The following EPHA3 variants were observed in gnomAD, a reference collection of about 807,000 sequenced individuals.
EPHA3 encodes ephrin type-A receptor 3.
Under a neutral mutation model 107.1 loss-of-function variants are expected in EPHA3, and 42 were observed. The observed-to-expected ratio is 0.39, with a 90% confidence interval of 0.31 to 0.51. The LOEUF is 0.51. EPHA3 is among the 20% of genes least tolerant of loss of function. The pLI, the probability that EPHA3 is intolerant of heterozygous loss-of-function variation, is 0.78. For synonymous variants in EPHA3, 461 were observed against 424.8 expected, an observed-to-expected ratio of 1.09 and a Z score of -1.05; for missense variants, 1,183 against 1,211.2, an observed-to-expected ratio of 0.98 and a Z score of 0.35.
chr3:89,377,671 A>G (rs976704414), intron 5 of EPHA3, among the ~76,000 whole-genome samples: 1 of 152,030 alleles, frequency 6.6e-6, no homozygotes, highest in African/African-American at 2.4e-5. Flanking sequence ...AGCTAGGTGC[A>G]TTTTGAAGGA....
intron 16 of EPHA3, among the ~76,000 whole-genome samples, chr3:89,476,332 AG>A (rs2107578697): frequency 6.7e-6 from 1 of 148,368 alleles, no homozygotes; most frequent in Admixed American, 6.7e-5. Context: ...GCTATGAAGA[AG>A]TGATGAGGAA....
At chr3:89,475,926 G>A (rs1710496176) in intron 16 of EPHA3, among the ~76,000 whole-genome samples, 1 of 141,712 alleles carries the variant, frequency 7.1e-6, no homozygotes, top group Non-Finnish European at 1.6e-5. Context: ...AATTATTTTG[G>A]ACATGCAGAG....
At chr3:89,268,030 A>G (rs759797104) in intron 3 of EPHA3, among the ~76,000 whole-genome samples, 6 of 152,136 alleles carry the variant, frequency 3.9e-5, no homozygotes, top group African/African-American at 7.2e-5. Flanking sequence ...AATTGTTACA[A>G]TGATGCAAAA....
intron 7 of EPHA3, among the ~76,000 whole-genome samples, chr3:89,405,824 G>A (rs1166977110): frequency 6.6e-6 from 1 of 152,138 alleles, no homozygotes; most frequent in South Asian, 2.1e-4. Context: ...CAGGAATTGT[G>A]TGTATTTTAA....
At chr3:89,475,568 T>C (rs1559710003) in intron 16 of EPHA3, among the ~76,000 whole-genome samples, 1 of 152,276 alleles carries the variant, frequency 6.6e-6, no homozygotes, top group Non-Finnish European at 1.5e-5. Context: ...TTTCAAGACA[T>C]TATTTCATAA....
chr3:89,125,798 A>G (rs1406570143), intron 1 of EPHA3, among the ~76,000 whole-genome samples: 2 of 151,680 alleles, frequency 1.3e-5, no homozygotes, highest in Admixed American at 1.3e-4. Context: ...TTACCCATTT[A>G]ATTTATTTAT....
chr3:89,209,539 G>A lies in EPHA3; in HGVS notation c.154-321G>A, dbSNP rs142455575. 2.3e-4 allele frequency among the ~76,000 whole-genome samples: 35 copies of A among 152,158 alleles called. No individual in the cohort carries two copies. In the East Asian group the frequency reaches 6.4e-3, roughly 28 times the overall value. On this transcript the variant is annotated intron_variant, in intron 2 of 16. Transcript: ENST00000336596. ...CTGAGAAAAACACCCAAAAACATAT[G>A]AGAAAATAATATTATAGTGTCATTG...
intron 13 of EPHA3, among the ~76,000 whole-genome samples, chr3:89,432,663 A>G (rs1709591742): frequency 6.6e-6 from 1 of 152,210 alleles, no homozygotes; most frequent in African/African-American, 2.4e-5. Context: ...AATCATTACT[A>G]TTAATACTAC....
At chr3:89,330,453 T>C (rs1707260177) in intron 3 of EPHA3, among the ~76,000 whole-genome samples, 1 of 152,052 alleles carries the variant, frequency 6.6e-6, no homozygotes, top group Non-Finnish European at 1.5e-5. Flanking sequence ...AATAATATTA[T>C]CACATAAGTC....
intron 3 of EPHA3, among the ~76,000 whole-genome samples, chr3:89,284,627 A>G (rs1706033578): frequency 6.6e-6 from 1 of 152,136 alleles, no homozygotes; most frequent in African/African-American, 2.4e-5. Context: ...AAATTATATT[A>G]TTTCCCGTAA....
At chr3:89,251,335 A>T (rs1252177091) in intron 3 of EPHA3, among the ~76,000 whole-genome samples, 6 of 152,016 alleles carry the variant, frequency 3.9e-5, no homozygotes, top group Non-Finnish European at 1.5e-5. Context: ...ATAGATTATA[A>T]TTTTTTTAAA....
At chr3:89,368,835 A>T (rs1392710911) in intron 5 of EPHA3, among the ~76,000 whole-genome samples, 1 of 150,312 alleles carries the variant, frequency 6.7e-6, no homozygotes, top group Non-Finnish European at 1.5e-5. Flanking sequence ...AACAAAAAAC[A>T]AAAAACGCTT....
At chr3:89,339,198 C>CT (rs1341054204) in intron 3 of EPHA3, among the ~76,000 whole-genome samples, 1 of 151,918 alleles carries the variant, frequency 6.6e-6, no homozygotes, top group Non-Finnish European at 1.5e-5. Flanking sequence ...TGGTGAAACT[C>CT]TGTCTCTACT....
chr3:89,129,605 T>G lies in EPHA3; in HGVS notation c.153+2332T>G, dbSNP rs1704160547. On this transcript the variant is annotated intron_variant, in intron 2 of 16. Coordinates refer to ENST00000336596, the MANE Select transcript of EPHA3 (RefSeq NM_005233.6). ...CAGATTTAGAAAACATTAGATTGTTTTTTTTTTTTTTTTGAGAAACTGACC... is the reference window on the plus strand; with the variant it reads ...CAGATTTAGAAAACATTAGATTGTTGTTTTTTTTTTTTTGAGAAACTGACC... Among the ~76,000 whole-genome samples the G allele has an allele frequency of 3.3e-5, 5 of 150,342 alleles. No homozygotes were observed. The South Asian group carries it at 1.0e-3, about 31-fold the overall frequency.
At chr3:89,395,572 C>T (rs1708831893) in intron 5 of EPHA3, among the ~76,000 whole-genome samples, 1 of 152,052 alleles carries the variant, frequency 6.6e-6, no homozygotes, top group Non-Finnish European at 1.5e-5. Flanking sequence ...GCTCACTTGC[C>T]ACTAGTCCAC....
rs1394324135 is a variant in EPHA3, at chr3:89,247,595, T to C, written c.814+37075T>C. On this transcript the variant is annotated intron_variant, in intron 3 of 16. Transcript: ENST00000336596. ...AAAAGTACATAGGATTTGAAGACCA[T>C]GGAAACAGGTTACTTGGAAAAAGAA... Among the ~76,000 whole-genome samples, 7 of 152,046 alleles carry C rather than the reference T, an allele frequency of 4.6e-5. No homozygotes were observed. In the East Asian group the frequency reaches 1.2e-3, roughly 25 times the overall value.
intron 1 of EPHA3, among the ~76,000 whole-genome samples, chr3:89,113,714 C>T (rs373624839): frequency 2.0e-5 from 3 of 147,110 alleles, no homozygotes; most frequent in Admixed American, 1.4e-4. Flanking sequence ...CTAAAAACCC[C>T]GCACACTTAA....
At chr3:89,303,126 G>C (rs1706530788) in intron 3 of EPHA3, among the ~76,000 whole-genome samples, 1 of 151,942 alleles carries the variant, frequency 6.6e-6, no homozygotes, top group Admixed American at 6.6e-5. Context: ...GAGCTCCTAG[G>C]CTCAAGCAGT....
At chr3:89,305,055 T>A (rs1706582077) in intron 3 of EPHA3, among the ~76,000 whole-genome samples, 1 of 152,212 alleles carries the variant, frequency 6.6e-6, no homozygotes, top group African/African-American at 2.4e-5. Context: ...TTTAAGACTG[T>A]GTTGGCATAG....
Sources: allele counts gnomAD v4.1 joint callset (sites outside exome capture counted in the v4.1 genomes callset), GRCh38; gene constraint gnomAD v4.1.1; transcripts MANE v1.5; gene names NCBI Gene and HGNC (gene_info 2026-07-23, HGNC 2026-07-21).